Variants in RNLS observed in about 807,000 individuals in gnomAD.
RNLS encodes renalase, FAD dependent amine oxidase.
A neutral mutation model predicts 39.8 loss-of-function variants in RNLS; 39 were observed. The ratio of observed to expected loss-of-function variants is 0.98; its 90% confidence interval spans 0.76 to 1.28. The LOEUF (loss-of-function observed/expected upper bound fraction) is 1.28, where lower values mean the gene tolerates loss of function less well. Among genes scored for constraint, RNLS ranks in the 50% most tolerant of loss-of-function variants. The pLI is 0.00. For synonymous variants in RNLS, 147 were observed against 150.7 expected (o/e 0.98, Z 0.18); for missense variants, 410 against 413.3 (o/e 0.99, Z 0.07).
chr10:88,364,046 C>T (rs1191858742), intron 4 of RNLS, among the ~76,000 whole-genome samples: 1 of 152,072 alleles, frequency 6.6e-6, no homozygotes, highest in Non-Finnish European at 1.5e-5. Context: ...GGAAAGAAGA[C>T]ATTTCTTCTA....
downstream of RNLS, among the ~76,000 whole-genome samples, chr10:88,280,470 T>C (rs1216518493): frequency 6.6e-6 from 1 of 152,190 alleles, no homozygotes; most frequent in East Asian, 1.9e-4. Context: ...GTGATAGGTT[T>C]AAGATTTAGA....
At chr10:88,244,676 T>A in the RNLS span, among the ~76,000 whole-genome samples, 1 of 151,460 alleles carries the variant, frequency 6.6e-6, no homozygotes, top group Admixed American at 6.6e-5. Context: ...TTGCAGGATG[T>A]TTAAGGTTTT....
intron 4 of RNLS, among the ~76,000 whole-genome samples, chr10:88,427,635 C>A (rs2133792934): frequency 6.6e-6 from 1 of 151,742 alleles, no homozygotes; most frequent in African/African-American, 2.4e-5. Context: ...ATTCTGGTGG[C>A]CAAATAAAAA....
In RNLS at chr10:88,402,069, G is replaced by C. The variant is rs565096614; in HGVS notation, c.527-39344C>G. Among the ~76,000 whole-genome samples the C allele has an allele frequency of 1.9e-4, 29 of 152,084 alleles. No homozygotes were observed. The South Asian group carries it at 4.1e-3, about 22-fold the overall frequency. ...GAGGGTCTAGTTAAAAATGGGGTAG[G>C]AGCAGGGAAAGCACATTTCAAAGAA... On this transcript the variant is annotated intron_variant, in intron 4 of 6. Coordinates refer to ENST00000331772, the MANE Select transcript of RNLS (RefSeq NM_001031709.3).
chr10:88,576,614 C>G (rs1370841548), intron 3 of RNLS, among the ~76,000 whole-genome samples: 1 of 152,144 alleles, frequency 6.6e-6, no homozygotes, highest in Admixed American at 6.5e-5. Context: ...TCTAGCTTCT[C>G]TAAAAAGGAC....
intron 4 of RNLS, among the ~76,000 whole-genome samples, chr10:88,563,759 C>T (rs1404605042): frequency 6.6e-6 from 1 of 151,788 alleles, no homozygotes; most frequent in African/African-American, 2.4e-5. Context: ...GAAAGGTACC[C>T]CCAAGATCTT....
chr10:88,470,742 A>T (rs760472708), intron 4 of RNLS, among the ~76,000 whole-genome samples: 5 of 151,308 alleles, frequency 3.3e-5, no homozygotes, highest in Non-Finnish European at 5.9e-5. Context: ...CAGCCTCCTG[A>T]GTAGCTGGGA....
intron 4 of RNLS, among the ~76,000 whole-genome samples, chr10:88,449,006 C>T (rs531586238): frequency 1.7e-4 from 26 of 151,970 alleles, no homozygotes; most frequent in East Asian, 1.9e-4. Flanking sequence ...TTGTGCAGTG[C>T]GGGGAGGGAG....
chr10:88,313,003 A>G (rs75866318), intron 6 of RNLS, among the ~76,000 whole-genome samples: 1 of 152,218 alleles, frequency 6.6e-6, no homozygotes, highest in East Asian at 1.9e-4. Flanking sequence ...TGTAGACTTC[A>G]TGACTTCAGA....
chr10:88,575,986 C>A (rs924794431), intron 3 of RNLS, among the ~76,000 whole-genome samples: 1 of 152,140 alleles, frequency 6.6e-6, no homozygotes, highest in Non-Finnish European at 1.5e-5. Context: ...TTTGATGTGT[C>A]CACTGCATTG....
chr10:88,252,662 C>T, the RNLS span, among the ~76,000 whole-genome samples: 1 of 88,798 alleles, frequency 1.1e-5, no homozygotes, highest in Non-Finnish European at 2.3e-5. Flanking sequence ...TCACCCTGTC[C>T]TTGGTCCTGT....
chr10:88,401,512 G>C (rs186136915), intron 4 of RNLS, among the ~76,000 whole-genome samples: 1 of 151,892 alleles, frequency 6.6e-6, no homozygotes, highest in Admixed American at 6.6e-5. Flanking sequence ...TTTTCTGATG[G>C]TTCAAGATTT....
intron 6 of RNLS, among the ~76,000 whole-genome samples, chr10:88,299,255 A>C (rs1844326653): frequency 6.6e-6 from 1 of 152,134 alleles, no homozygotes; most frequent in Admixed American, 6.5e-5. Flanking sequence ...TCTTTCAAAG[A>C]CACTGTTTTT....
At chr10:88,359,041 A>G (rs573858927) in intron 5 of RNLS, among the ~76,000 whole-genome samples, 6 of 152,304 alleles carry the variant, frequency 3.9e-5, no homozygotes, top group African/African-American at 1.2e-4. Flanking sequence ...GGCCGGGTAC[A>G]GTGGCTCATG....
chr10:88,259,594 G>A, the RNLS span, among the ~76,000 whole-genome samples: 4 of 152,136 alleles, frequency 2.6e-5, no homozygotes, highest in East Asian at 3.9e-4. Context: ...GCACTCTCAC[G>A]CATAGTTACC....
the RNLS span, among the ~76,000 whole-genome samples, chr10:88,212,412 T>C: frequency 6.6e-6 from 1 of 152,214 alleles, no homozygotes; most frequent in Non-Finnish European, 1.5e-5. Flanking sequence ...TTGCTCTCCT[T>C]CTAAAAGTTC....
At chr10:88,463,970 C>T (rs1472452650) in intron 4 of RNLS, among the ~76,000 whole-genome samples, 3 of 151,964 alleles carry the variant, frequency 2.0e-5, no homozygotes, top group Non-Finnish European at 4.4e-5. Flanking sequence ...TGACCATCAT[C>T]TTAAACAAAC....
chr10:88,269,271 A>G (rs286488), downstream of RNLS, among the ~76,000 whole-genome samples: 26,855 of 152,156 alleles, frequency 0.18, 2,776 homozygotes, highest in African/African-American at 0.28. Context: ...GGGAGTGGAT[A>G]TGAACTGATA....
intron 4 of RNLS, among the ~76,000 whole-genome samples, chr10:88,466,254 A>G (rs1843199257): frequency 6.6e-6 from 1 of 152,088 alleles, no homozygotes; most frequent in Admixed American, 6.6e-5. Context: ...ATTGAAAAAA[A>G]GTCCCACACC....
Sources: allele counts gnomAD v4.1 joint callset (sites outside exome capture counted in the v4.1 genomes callset), GRCh38; gene constraint gnomAD v4.1.1; transcripts MANE v1.5; gene names NCBI Gene and HGNC (gene_info 2026-07-23, HGNC 2026-07-21).